The following SCFD2 variants were observed in gnomAD, a reference collection of about 807,000 sequenced individuals.
SCFD2 encodes sec1 family domain-containing protein 2.
Under a neutral mutation model 58.9 loss-of-function variants are expected in SCFD2, and 54 were observed. The observed-to-expected ratio is 0.92, with a 90% confidence interval of 0.74 to 1.15. SCFD2 has a LOEUF of 1.15. SCFD2 is among the 50% of genes most tolerant of loss of function. The pLI, the probability that SCFD2 is intolerant of heterozygous loss-of-function variation, is 0.00. For missense variants in SCFD2, 805 were observed against 836.6 expected (o/e 0.96, Z 0.47); for synonymous variants, 321 against 335.9 (o/e 0.96, Z 0.49).
At chr4:53,140,572 T>A (rs1236566545) in intron 5 of SCFD2, among the ~76,000 whole-genome samples, 2 of 151,718 alleles carry the variant, frequency 1.3e-5, no homozygotes, top group Non-Finnish European at 2.9e-5. Context: ...AGAGGATGCA[T>A]TCATAAAAAT....
chr4:52,940,487 T>C (rs1320159661), intron 5 of SCFD2, among the ~76,000 whole-genome samples: 1 of 152,158 alleles, frequency 6.6e-6, no homozygotes, highest in Non-Finnish European at 1.5e-5. Flanking sequence ...ACACAGTCCG[T>C]ATCTGGGCAG....
intron 3 of SCFD2, among the ~76,000 whole-genome samples, chr4:53,299,242 G>C (rs1387121291): frequency 6.6e-6 from 1 of 152,198 alleles, no homozygotes; most frequent in African/African-American, 2.4e-5. Flanking sequence ...ATGCAGAGAA[G>C]TCCTTAAAGG....
intron 5 of SCFD2, among the ~76,000 whole-genome samples, chr4:53,109,539 A>G (rs200516373): frequency 6.6e-6 from 1 of 152,340 alleles, no homozygotes; most frequent in Admixed American, 6.5e-5. Flanking sequence ...TAAAAAATCA[A>G]TGTGCAAAAA....
Position 53,208,809 on chromosome 4 carries a change from C to G in SCFD2, c.1312-63227G>C, listed in dbSNP as rs555965147. On this transcript the variant is annotated intron_variant, in intron 4 of 8. Transcript: ENST00000401642. The stretch of plus-strand genomic sequence containing the variant: ...ATGATAAATTGATAAACTAAGTGAG[C>G]AATGTTACTGTGATTTTTAGCAAAA... 3.9e-5 allele frequency among the ~76,000 whole-genome samples: 6 copies of G among 152,238 alleles called. No individual in the cohort carries two copies. The East Asian group carries it at 1.2e-3, about 29-fold the overall frequency.
chr4:53,260,379 C>G (rs1730794225), intron 4 of SCFD2, among the ~76,000 whole-genome samples: 1 of 151,948 alleles, frequency 6.6e-6, no homozygotes, highest in African/African-American at 2.4e-5. Flanking sequence ...CATGGACAAC[C>G]TTTATTACCT....
intron 4 of SCFD2, among the ~76,000 whole-genome samples, chr4:53,255,951 G>A (rs1413466211): frequency 1.3e-5 from 2 of 148,870 alleles, no homozygotes; most frequent in South Asian, 2.1e-4. Flanking sequence ...CGGATGGGGT[G>A]GCTGGCCGGG....
chr4:53,294,418 T>G (rs1019583355), intron 3 of SCFD2, among the ~76,000 whole-genome samples: 16 of 152,052 alleles, frequency 1.1e-4, no homozygotes, highest in Middle Eastern at 3.2e-3. Flanking sequence ...TTTTTCATGT[T>G]CGTTGGCTGC....
Position 52,951,929 on chromosome 4 carries a change from A to T in SCFD2, c.1562-31059T>A, listed in dbSNP as rs144251985. ...CAAAACTTAATGGCGATGGAGGATT[A>T]AAAAAGGGAGCTGGATTACAAAAAT... is the stretch of plus-strand genomic sequence containing the variant. On this transcript the variant is annotated intron_variant, in intron 5 of 8. Transcript: ENST00000401642. Among the ~76,000 whole-genome samples the T allele has an allele frequency of 2.6e-5, 4 of 152,322 alleles. No individual in the cohort carries two copies. The East Asian group carries it at 5.8e-4, about 22-fold the overall frequency.
chr4:53,317,912 CAGT>C (rs1369960113), intron 2 of SCFD2, among the ~76,000 whole-genome samples: 1 of 152,150 alleles, frequency 6.6e-6, no homozygotes, highest in East Asian at 1.9e-4. Flanking sequence ...AGTGCTACAG[CAGT>C]AGTAGTAGCA....
intron 4 of SCFD2, among the ~76,000 whole-genome samples, chr4:53,169,844 A>G (rs1727124994): frequency 6.6e-6 from 1 of 152,126 alleles, no homozygotes; most frequent in Non-Finnish European, 1.5e-5. Context: ...CTTTTGAGAA[A>G]TATCTGTTCA....
At chr4:53,165,652 A>G (rs1726984993) in intron 4 of SCFD2, among the ~76,000 whole-genome samples, 1 of 152,088 alleles carries the variant, frequency 6.6e-6, no homozygotes, top group Non-Finnish European at 1.5e-5. Context: ...CCTTTTCACC[A>G]TCCATCTTAC....
intron 5 of SCFD2, among the ~76,000 whole-genome samples, chr4:52,976,856 T>C (rs1252921620): frequency 2.0e-5 from 3 of 152,176 alleles, no homozygotes; most frequent in Non-Finnish European, 4.4e-5. Flanking sequence ...GCAGCCTTGA[T>C]AGGAGTCCTG....
At chr4:53,264,333 T>C (rs1730917890) in intron 4 of SCFD2, among the ~76,000 whole-genome samples, 2 of 152,214 alleles carry the variant, frequency 1.3e-5, no homozygotes, top group African/African-American at 4.8e-5. Context: ...TTTCCTGGCA[T>C]GTTCCTGCAG....
In SCFD2 at chr4:53,273,853, A is replaced by C; in HGVS notation, c.1284T>G (p.Phe428Leu). 1.2e-6 allele frequency: 2 copies of C among 1,613,546 alleles called. No individual in the cohort carries two copies. The highest frequency in any genetic ancestry group is 1.7e-6 in the Non-Finnish European group (2 of 1,179,724). ...KHPQTAKWDNFLAFERLLLQS... is the reference protein window; with the variant it reads ...KHPQTAKWDNLLAFERLLLQS... Reference sequence around the variant, plus strand: ...GAAGAAGGAGCCTTTCAAAAGCCAGAAAGTTGTCCCACTTGGCAGTCTGTG... The same window carrying C: ...GAAGAAGGAGCCTTTCAAAAGCCAGCAAGTTGTCCCACTTGGCAGTCTGTG... The change falls in exon 4 of 9, where the codon TTT becomes TTG. Residue 428 changes from phenylalanine to leucine, a missense_variant. Coordinates refer to ENST00000401642, the MANE Select transcript of SCFD2 (RefSeq NM_152540.4).
intron 7 of SCFD2, among the ~76,000 whole-genome samples, chr4:52,891,579 G>T (rs1354806366): frequency 6.6e-6 from 1 of 152,276 alleles, no homozygotes. Context: ...CTGCAGAGCA[G>T]TAACCGTTCT....
At chr4:53,218,547 T>A (rs1467893866) in intron 4 of SCFD2, among the ~76,000 whole-genome samples, 2 of 152,054 alleles carry the variant, frequency 1.3e-5, no homozygotes, top group Non-Finnish European at 2.9e-5. Flanking sequence ...ATTCATCTAA[T>A]CTTTTTTCAA....
intron 5 of SCFD2, among the ~76,000 whole-genome samples, chr4:52,922,928 G>A (rs757139746): frequency 1.3e-5 from 2 of 152,192 alleles, no homozygotes; most frequent in African/African-American, 2.4e-5. Context: ...GAGGATACAC[G>A]TGTTGAAAAG....
At chr4:53,093,219 C>G (rs1276552595) in intron 5 of SCFD2, among the ~76,000 whole-genome samples, 1 of 152,048 alleles carries the variant, frequency 6.6e-6, no homozygotes, top group Non-Finnish European at 1.5e-5. Flanking sequence ...GGGTTTATAC[C>G]AGTGCCCAAA....
At chr4:53,177,716 C>T (rs1485216607) in intron 4 of SCFD2, among the ~76,000 whole-genome samples, 7 of 152,096 alleles carry the variant, frequency 4.6e-5, no homozygotes, top group Admixed American at 2.0e-4. Context: ...TCGCCTCATC[C>T]GGGAAGCGAA....
Sources: allele counts gnomAD v4.1 joint callset (sites outside exome capture counted in the v4.1 genomes callset), GRCh38; gene constraint gnomAD v4.1.1; transcripts MANE v1.5; gene names NCBI Gene and HGNC (gene_info 2026-07-23, HGNC 2026-07-21).